MAML2: variants seen among roughly 807,000 people sequenced by gnomAD.
MAML2 encodes mastermind like transcriptional coactivator 2.
A neutral mutation model predicts 96.1 loss-of-function variants in MAML2; 22 were observed. The observed-to-expected ratio is 0.23, with a 90% confidence interval of 0.16 to 0.33. The LOEUF (loss-of-function observed/expected upper bound fraction) is 0.33, where lower values mean the gene tolerates loss of function less well. Among genes scored for constraint, MAML2 ranks in the 10% least tolerant of loss-of-function variants. The pLI, the probability that MAML2 is intolerant of heterozygous loss-of-function variation, is 1.00. For synonymous variants in MAML2, 561 were observed against 521.3 expected, an observed-to-expected ratio of 1.08 and a Z score of -1.04; for missense variants, 1,367 against 1,392.4, an observed-to-expected ratio of 0.98 and a Z score of 0.29.
intron 2 of MAML2, among the ~76,000 whole-genome samples, chr11:96,036,287 T>C (rs1858710794): frequency 6.6e-6 from 1 of 151,986 alleles, no homozygotes; most frequent in Non-Finnish European, 1.5e-5. Context: ...AGAAAAAAGA[T>C]GGTATGTCTC....
At chr11:96,163,087 A>T (rs1861138727) in intron 1 of MAML2, among the ~76,000 whole-genome samples, 1 of 152,202 alleles carries the variant, frequency 6.6e-6, no homozygotes, top group Non-Finnish European at 1.5e-5. Context: ...AGCAAACTTC[A>T]CGGGCTTCCT....
At chr11:96,241,465 C>T (rs1041815648) in intron 1 of MAML2, among the ~76,000 whole-genome samples, 1 of 152,214 alleles carries the variant, frequency 6.6e-6, no homozygotes, top group Admixed American at 6.5e-5. Context: ...ATATTTTTAA[C>T]TTTTGTAACT....
intron 1 of MAML2, among the ~76,000 whole-genome samples, chr11:96,114,808 A>G (rs1382092242): frequency 1.3e-5 from 2 of 152,216 alleles, no homozygotes; most frequent in African/African-American, 2.4e-5. Context: ...CTACCATGGC[A>G]AGGATTAAGT....
At chr11:96,313,046 C>T (rs958162650) in intron 1 of MAML2, among the ~76,000 whole-genome samples, 1 of 152,174 alleles carries the variant, frequency 6.6e-6, no homozygotes, top group African/African-American at 2.4e-5. Flanking sequence ...ATAGTGAGTA[C>T]TTGAATGTGC....
chr11:96,089,773 CT>C (rs1240420778), intron 2 of MAML2, among the ~76,000 whole-genome samples: 1 of 151,936 alleles, frequency 6.6e-6, no homozygotes. Context: ...TGGGATAAAG[CT>C]TTAAATGGGT....
intron 1 of MAML2, among the ~76,000 whole-genome samples, chr11:96,332,666 G>A (rs1863869207): frequency 6.6e-6 from 1 of 152,222 alleles, no homozygotes. Flanking sequence ...TGTGCTGTCT[G>A]AAATTAAGTA....
In MAML2 at chr11:96,074,211, G is replaced by C. The variant is rs80066138; in HGVS notation, c.2139+17681C>G. Among the ~76,000 whole-genome samples the C allele has an allele frequency of 7.8e-3, 1,191 of 152,302 alleles. 19 individuals carry two copies. The highest frequency in any genetic ancestry group is 0.027 in the African/African-American group (1,126 of 41,566). ...TTCATTGTATTTTTAGGGAAACTGA[G>C]GCAGAGTGGCTAACTGCTTGCATGC... On this transcript the variant is annotated intron_variant, in intron 2 of 4. Transcript: ENST00000524717.
intron 1 of MAML2, among the ~76,000 whole-genome samples, chr11:96,253,103 G>C (rs1193603645): frequency 1.3e-5 from 2 of 152,120 alleles, no homozygotes; most frequent in African/African-American, 4.8e-5. Context: ...GCATATAGTA[G>C]AGCCTATAGT....
At position 96,187,952 on chromosome 11, in the gene MAML2, C is replaced by T. The variant is rs141906156; in HGVS notation, c.514-94435G>A. 2.8e-3 allele frequency among the ~76,000 whole-genome samples: 421 copies of T among 152,290 alleles called. 3 individuals carry two copies. Among genetic ancestry groups the T allele is most frequent in the African/African-American group, 9.5e-3 (395 of 41,562 alleles). On this transcript the variant is annotated intron_variant, in intron 1 of 4. Coordinates refer to ENST00000524717, the MANE Select transcript of MAML2 (RefSeq NM_032427.4). ...CCAGCACTGTGCATACTGATTCATT[C>T]GGCTGGCATTTGGCCTGGCCTTCAT...
intron 1 of MAML2, among the ~76,000 whole-genome samples, chr11:96,166,476 C>T (rs1052396356): frequency 7.9e-5 from 12 of 152,108 alleles, no homozygotes; most frequent in African/African-American, 1.9e-4. Context: ...GACTGATAGA[C>T]GTTCCCCTTG....
chr11:96,093,024 T>C lies in MAML2; in HGVS notation c.1007A>G (p.Gln336Arg). ...LENMINATIK[Q>R]DDPFNIDLGQ... is the part of the protein sequence containing the mutation. ...CAAGTCAATGTTAAATGGGTCATCCTGCTTTATGGTGGCATTGATCATGTT... is the reference window on the plus strand; with the variant it reads ...CAAGTCAATGTTAAATGGGTCATCCCGCTTTATGGTGGCATTGATCATGTT... The change falls in exon 2 of 5, where the codon CAG (glutamine) becomes CGG (arginine). Residue 336 changes from glutamine to arginine, a missense_variant. Coordinates refer to ENST00000524717, the MANE Select transcript of MAML2 (RefSeq NM_032427.4). 2 of 1,614,048 alleles carry C rather than the reference T, an allele frequency of 1.2e-6. No homozygotes were observed. The highest frequency in any genetic ancestry group is 1.7e-6 in the Non-Finnish European group (2 of 1,179,888).
chr11:96,187,144 T>C (rs1335190413), intron 1 of MAML2, among the ~76,000 whole-genome samples: 1 of 152,230 alleles, frequency 6.6e-6, no homozygotes, highest in Non-Finnish European at 1.5e-5. Context: ...GTGAATCAAG[T>C]TGTCTCTGCA....
At chr11:96,016,996 G>C in intron 2 of MAML2, among the ~76,000 whole-genome samples, 1 of 152,148 alleles carries the variant, frequency 6.6e-6, no homozygotes, top group East Asian at 1.9e-4. Flanking sequence ...ATACTGAAGT[G>C]TAGTAATTTT....
chr11:96,153,626 T>A (rs1326384105), intron 1 of MAML2, among the ~76,000 whole-genome samples: 1 of 152,098 alleles, frequency 6.6e-6, no homozygotes, highest in East Asian at 1.9e-4. Context: ...AAGTTAAAAA[T>A]AGTGGCTGGG....
intron 1 of MAML2, among the ~76,000 whole-genome samples, chr11:96,120,433 C>A (rs578084190): frequency 1.8e-4 from 28 of 152,140 alleles, no homozygotes; most frequent in Non-Finnish European, 3.5e-4. Flanking sequence ...CTGATGACCC[C>A]AACAGAGGTC....
chr11:96,285,807 TA>T (rs1268972256), intron 1 of MAML2, among the ~76,000 whole-genome samples: 1 of 152,140 alleles, frequency 6.6e-6, no homozygotes, highest in Non-Finnish European at 1.5e-5. Flanking sequence ...TGGCTATTAT[TA>T]AAAAGTCAAG....
intron 2 of MAML2, among the ~76,000 whole-genome samples, chr11:96,013,017 TA>T (rs1858288866): frequency 6.6e-6 from 1 of 152,232 alleles, no homozygotes; most frequent in African/African-American, 2.4e-5. Context: ...CTTAACAGAC[TA>T]ACTTGGAGGG....
intron 1 of MAML2, among the ~76,000 whole-genome samples, chr11:96,196,098 T>G (rs1710502097): frequency 6.6e-6 from 1 of 152,174 alleles, no homozygotes; most frequent in Non-Finnish European, 1.5e-5. Flanking sequence ...TTTAAAAAAG[T>G]AAACTAACAA....
At chr11:96,070,150 C>T (rs1321397233) in intron 2 of MAML2, among the ~76,000 whole-genome samples, 1 of 151,164 alleles carries the variant, frequency 6.6e-6, no homozygotes, top group Non-Finnish European at 1.5e-5. Context: ...AATTAGCCGG[C>T]GTGGTGGCGG....
Sources: gnomAD v4.1 joint callset for allele counts (sites outside exome capture counted in the v4.1 genomes callset) on GRCh38, gnomAD v4.1.1 for gene constraint, MANE v1.5 for transcripts, NCBI Gene and HGNC (gene_info 2026-07-23, HGNC 2026-07-21) for gene names.